Variants in DGKI observed in about 807,000 individuals in gnomAD.
DGKI encodes the protein diacylglycerol kinase iota, also known as DAG kinase iota.
Under a neutral mutation model 147.5 loss-of-function variants are expected in DGKI, and 55 were observed. The observed-to-expected ratio is 0.37, with a 90% CI of 0.30 to 0.47. DGKI has a LOEUF of 0.47. Among genes scored for constraint, DGKI ranks in the 20% least tolerant of loss-of-function variants. The pLI, the probability that DGKI is intolerant of heterozygous loss-of-function variation, is 1.00. For synonymous variants in DGKI, 469 were observed against 477.1 expected (o/e 0.98, Z 0.22); for missense variants, 1,007 against 1,323.8 (o/e 0.76, Z 3.71).
chr7:137,655,813 C>T (rs1822197616), intron 4 of DGKI, among the ~76,000 whole-genome samples: 1 of 152,200 alleles, frequency 6.6e-6, no homozygotes, highest in African/African-American at 2.4e-5. Flanking sequence ...GAGAAACACA[C>T]ACATTAAAAT....
chr7:137,420,444 G>A (rs535516776), intron 28 of DGKI, among the ~76,000 whole-genome samples: 17 of 152,246 alleles, frequency 1.1e-4, no homozygotes, highest in Admixed American at 2.0e-4. Flanking sequence ...GCTTTGAGTC[G>A]GAGGGCTGGT....
intron 21 of DGKI, among the ~76,000 whole-genome samples, chr7:137,489,946 C>G (rs1307567065): frequency 6.6e-6 from 1 of 152,018 alleles, no homozygotes; most frequent in Non-Finnish European, 1.5e-5. Context: ...ATTGTATATT[C>G]AAGATATGGA....
At chr7:137,487,479 T>C in intron 22 of DGKI, 131 bp downstream of exon 22, 1 of 813,340 alleles carries the variant, frequency 1.2e-6, no homozygotes, top group Non-Finnish European at 2.1e-6. Flanking sequence ...CAGCGTATGC[T>C]TGAAGGACAA....
intron 1 of DGKI, among the ~76,000 whole-genome samples, chr7:137,767,927 A>G (rs1457461219): frequency 3.9e-5 from 6 of 152,186 alleles, no homozygotes; most frequent in Non-Finnish European, 1.5e-5. Flanking sequence ...AATATTATAT[A>G]ATATTCCAGT....
At chr7:137,590,301 C>T (rs1055627524) in intron 12 of DGKI, among the ~76,000 whole-genome samples, 3 of 152,190 alleles carry the variant, frequency 2.0e-5, no homozygotes, top group Admixed American at 6.5e-5. Context: ...AAAGGTGGGA[C>T]GTACTATGGC....
intron 20 of DGKI, among the ~76,000 whole-genome samples, chr7:137,532,598 A>ATCTACAGTTGGTGGGAACTTCAGC (rs1817378892): frequency 6.6e-6 from 1 of 152,178 alleles, no homozygotes; most frequent in Admixed American, 6.5e-5. Context: ...CTGTTCATCA[A>ATCTACAGTTGGTGGGAACTTCAGC]TCTACAGTTG....
chr7:137,407,785 A>G, intron 30 of DGKI, 90 bp downstream of exon 30: 1 of 1,531,126 alleles, frequency 6.5e-7, no homozygotes. Flanking sequence ...CATTCTGAAA[A>G]CTGCCTGGAT....
intron 8 of DGKI, among the ~76,000 whole-genome samples, chr7:137,618,052 G>A (rs1820594938): frequency 2.1e-5 from 3 of 140,706 alleles, no homozygotes; most frequent in South Asian, 4.8e-4. Context: ...CCTAACTAGT[G>A]TGTCTGCGGA....
At chr7:137,479,623 C>G (rs759382008) in intron 23 of DGKI, among the ~76,000 whole-genome samples, 16 of 152,150 alleles carry the variant, frequency 1.1e-4, no homozygotes, top group Non-Finnish European at 1.9e-4. Context: ...GCAATATTCA[C>G]CTAGTGTTGA....
intron 28 of DGKI, among the ~76,000 whole-genome samples, chr7:137,428,637 G>A (rs932051068): frequency 1.3e-5 from 2 of 152,104 alleles, no homozygotes; most frequent in African/African-American, 4.8e-5. Flanking sequence ...TGACATGATT[G>A]TATATCTAGA....
At chr7:137,743,989 G>GA (rs59924694) in intron 1 of DGKI, among the ~76,000 whole-genome samples, 28,882 of 124,876 alleles carry the variant, frequency 0.23, 6,245 homozygotes, top group African/African-American at 0.55. Context: ...TCTCAAAAAA[G>GA]AAAAAAAAAA....
At position 137,735,998 on chromosome 7, in the gene DGKI, G is replaced by T. The variant is rs567702695; in HGVS notation, c.402-45996C>A. ...GAACAGTGGCTGAAAATGACAGTAG[G>T]ACCATAACCTGAGCACTGGACACAG... On this transcript the variant is annotated intron_variant, in intron 1 of 32. Transcript: ENST00000614521. 4.5e-4 allele frequency among the ~76,000 whole-genome samples: 68 copies of T among 152,170 alleles called. 1 individual carries two copies. Among genetic ancestry groups the T allele is most frequent in the Non-Finnish European group, 7.2e-4 (49 of 67,976 alleles).
At chr7:137,679,502 T>C (rs1823157482) in intron 2 of DGKI, among the ~76,000 whole-genome samples, 1 of 152,092 alleles carries the variant, frequency 6.6e-6, no homozygotes, top group Non-Finnish European at 1.5e-5. Flanking sequence ...AATTGTATAT[T>C]TTGCTCATTT....
chr7:137,481,643 C>G (rs901093959), intron 23 of DGKI, among the ~76,000 whole-genome samples: 1 of 152,002 alleles, frequency 6.6e-6, no homozygotes, highest in Non-Finnish European at 1.5e-5. Context: ...TTTTGAGCTT[C>G]AGTGCTTTGT....
At chr7:137,569,724 G>T (rs1462344745) in intron 19 of DGKI, among the ~76,000 whole-genome samples, 2 of 43,550 alleles carry the variant, frequency 4.6e-5, no homozygotes, top group Non-Finnish European at 9.8e-5. Flanking sequence ...GTGAGACTCT[G>T]TCTCAAAAAA....
chr7:137,389,726 C>A lies in DGKI; in HGVS notation c.*1494G>T, dbSNP rs1811289077. ...ATCACAGAGTCCCTAAGAGAGGTAC[C>A]TGTAAGTACCATTCGATCCGTGGCA... On this transcript the variant is annotated 3_prime_UTR_variant, in exon 33 of 33. Coordinates refer to ENST00000614521, the MANE Select transcript of DGKI (RefSeq NM_001321708.2). 6.6e-6 allele frequency: 1 copy of A among 152,094 alleles called. No homozygotes were observed. The highest frequency in any genetic ancestry group is 2.1e-4 in the South Asian group (1 of 4,824). The allele number at this position is 152,094 out of a possible 1,614,324, so 9.4% of individuals were successfully genotyped here. A position where few individuals can be genotyped will look rare whatever the true frequency, so the allele number is the denominator to read the frequency against.
At chr7:137,452,878 A>T (rs563375591) in intron 27 of DGKI, 9 of 152,000 alleles carry the variant, frequency 5.9e-5, no homozygotes, top group Non-Finnish European at 1.3e-4. Context: ...ATGTGCTCAC[A>T]CCTTTTTCCT....
At position 137,846,545 on chromosome 7, in the gene DGKI, G is replaced by C; in HGVS notation, c.318C>G (p.Pro106=). 6.5e-7 allele frequency: 1 copy of C among 1,543,868 alleles called. No individual in the cohort carries two copies. Among genetic ancestry groups the C allele is most frequent in the Non-Finnish European group, 8.7e-7 (1 of 1,148,504 alleles). The change falls in exon 1 of 33, where the codon CCC becomes CCG. Residue 106 remains proline, a synonymous_variant. Transcript: ENST00000614521. This position sits in a 1 kb window ranked among gnomAD's most constrained non-coding sequence, Gnocchi z 4.0. ...AAAGAAALDE[P]AAAGQKEKDE... Reference sequence around the variant, plus strand: ...CCTTCTCCTTCTGGCCGGCGGCCGCGGGCTCGTCCAGGGCAGCGGCCCCCG... The same window carrying C: ...CCTTCTCCTTCTGGCCGGCGGCCGCCGGCTCGTCCAGGGCAGCGGCCCCCG...
intron 19 of DGKI, among the ~76,000 whole-genome samples, chr7:137,561,696 C>T (rs983710036): frequency 6.6e-6 from 1 of 151,810 alleles, no homozygotes; most frequent in Non-Finnish European, 1.5e-5. Context: ...ACAATTACTA[C>T]TCATAAATTA....
Sources: gnomAD v4.1 joint callset for allele counts (sites outside exome capture counted in the v4.1 genomes callset) on GRCh38, gnomAD v4.1.1 for gene constraint, Gnocchi (gnomAD v3.1) non-coding constraint, MANE v1.5 for transcripts, NCBI Gene and HGNC (gene_info 2026-07-23, HGNC 2026-07-21) for gene names.